Variants in PRELID2 observed in about 807,000 individuals in gnomAD.
PRELID2 encodes the protein PRELI domain-containing protein 2.
In PRELID2, 25 loss-of-function variants were observed where a neutral mutation model predicts 28.4. The observed-to-expected ratio is 0.88, with a 90% CI of 0.64 to 1.23. PRELID2 has a LOEUF of 1.23. Ranked by LOEUF, PRELID2 falls within the 50% of genes most tolerant of loss-of-function variation. The pLI is 0.00. For synonymous variants in PRELID2, 76 were observed against 71.6 expected, an observed-to-expected ratio of 1.06 and a Z score of -0.31; for missense variants, 201 against 214.4, an observed-to-expected ratio of 0.94 and a Z score of 0.39.
chr5:145,278,045 C>T, the PRELID2 span, among the ~76,000 whole-genome samples: 1 of 152,162 alleles, frequency 6.6e-6, no homozygotes, highest in African/African-American at 2.4e-5. Context: ...CGCTCCAGAA[C>T]CATATATTTA....
At chr5:145,833,422 C>T (rs74522568) in intron 1 of PRELID2, among the ~76,000 whole-genome samples, 1 of 152,140 alleles carries the variant, frequency 6.6e-6, no homozygotes, top group African/African-American at 2.4e-5. Context: ...AGTGCCAGTT[C>T]TAACAAAAAA....
intron 1 of PRELID2, among the ~76,000 whole-genome samples, chr5:145,647,946 T>A (rs1468488891): frequency 6.6e-6 from 1 of 152,182 alleles, no homozygotes; most frequent in Non-Finnish European, 1.5e-5. Context: ...TGTGCAGCAG[T>A]CTCACCGGGA....
chr5:145,569,823 C>T (rs1174578282), intron 1 of PRELID2, among the ~76,000 whole-genome samples: 1 of 152,196 alleles, frequency 6.6e-6, no homozygotes, highest in Non-Finnish European at 1.5e-5. Flanking sequence ...AATGTTTTTG[C>T]TAGTTGTCCA....
At chr5:145,365,297 T>C in the PRELID2 span, among the ~76,000 whole-genome samples, 2 of 151,952 alleles carry the variant, frequency 1.3e-5, no homozygotes, top group South Asian at 4.1e-4. Flanking sequence ...AAGATAAGTA[T>C]TTTAGGTAAT....
At chr5:145,453,569 C>T in the PRELID2 span, among the ~76,000 whole-genome samples, 39 of 152,196 alleles carry the variant, frequency 2.6e-4, no homozygotes, top group Middle Eastern at 0.014. Flanking sequence ...CCCATCAAAC[C>T]ATCATCTATC....
At chr5:145,556,269 T>C (rs997156335) in intron 1 of PRELID2, among the ~76,000 whole-genome samples, 4 of 152,140 alleles carry the variant, frequency 2.6e-5, no homozygotes, top group Non-Finnish European at 4.4e-5. Flanking sequence ...AAGAGCCTTA[T>C]GTGGAGCACC....
the PRELID2 span, among the ~76,000 whole-genome samples, chr5:145,424,204 GC>G: frequency 1.3e-5 from 2 of 152,038 alleles, no homozygotes; most frequent in Non-Finnish European, 2.9e-5. Context: ...TCTGTGCCCT[GC>G]CCCCAGAGGT....
rs1215180889 is a variant in PRELID2 at position 145,764,746 on chromosome 5, G to GA, written c.*10+184dup. Among the ~76,000 whole-genome samples the GA allele has an allele frequency of 2.0e-5, 3 of 152,130 alleles. No individual in the cohort carries two copies. In the East Asian group the frequency reaches 5.8e-4, roughly 29 times the overall value. On this transcript the variant is annotated intron_variant, in intron 6 of 6. Transcript: ENST00000683046. ...CCAGCATGTAATACAAAACTGCTCT[G>GA]AAAATCAAAGAACCAAGTAAATAAA...
intron 5 of PRELID2, among the ~76,000 whole-genome samples, chr5:145,767,992 C>T (rs755292508): frequency 4.8e-4 from 73 of 151,806 alleles, no homozygotes; most frequent in Non-Finnish European, 8.5e-4. Flanking sequence ...TTTGGGAGGC[C>T]GAGGCAGGTG....
the PRELID2 span, among the ~76,000 whole-genome samples, chr5:145,391,687 T>G: frequency 5.3e-5 from 8 of 151,954 alleles, no homozygotes; most frequent in East Asian, 1.9e-4. Context: ...ATGTTTTGTT[T>G]TTTTTTTTTT....
chr5:145,689,034 T>C (rs149434873), intron 1 of PRELID2, among the ~76,000 whole-genome samples: 1 of 152,304 alleles, frequency 6.6e-6, no homozygotes, highest in East Asian at 1.9e-4. Flanking sequence ...ATCATAAGCA[T>C]AGCAACTACA....
the PRELID2 span, among the ~76,000 whole-genome samples, chr5:145,340,207 A>G: frequency 1.3e-5 from 2 of 152,096 alleles, no homozygotes; most frequent in Non-Finnish European, 2.9e-5. Flanking sequence ...CACCATTGGC[A>G]CCTGATCCCT....
At chr5:145,459,043 C>T in the PRELID2 span, among the ~76,000 whole-genome samples, 2 of 152,126 alleles carry the variant, frequency 1.3e-5, no homozygotes, top group Non-Finnish European at 2.9e-5. Context: ...ATGCCATCAG[C>T]CACCTAGGGT....
intron 1 of PRELID2, among the ~76,000 whole-genome samples, chr5:145,661,165 T>C (rs772959238): frequency 5.8e-4 from 88 of 152,242 alleles, no homozygotes; most frequent in Non-Finnish European, 1.0e-3. Context: ...TTTCTGGAAA[T>C]AGAAAAAGGT....
the PRELID2 span, among the ~76,000 whole-genome samples, chr5:145,396,128 T>C: frequency 3.9e-5 from 6 of 152,320 alleles, no homozygotes; most frequent in South Asian, 1.0e-3. Flanking sequence ...GACCGCTTAA[T>C]ACTAGTTCAA....
chr5:145,291,335 CAGAAA>C, the PRELID2 span, among the ~76,000 whole-genome samples: 4 of 57,474 alleles, frequency 7.0e-5, no homozygotes, highest in African/African-American at 4.3e-4. Context: ...GACTCTGTTT[CAGAAA>C]AAAAAAAAAA....
intron 1 of PRELID2, among the ~76,000 whole-genome samples, chr5:145,699,427 G>A (rs1473498763): frequency 6.6e-6 from 1 of 151,910 alleles, no homozygotes; most frequent in African/African-American, 2.4e-5. Flanking sequence ...TTTACAAATG[G>A]GCAAACTAAG....
At chr5:145,345,837 C>T in the PRELID2 span, among the ~76,000 whole-genome samples, 28 of 152,190 alleles carry the variant, frequency 1.8e-4, no homozygotes, top group East Asian at 4.5e-3. Flanking sequence ...CGCCCCACCC[C>T]ACACATATAT....
At chr5:145,443,636 A>C in the PRELID2 span, among the ~76,000 whole-genome samples, 1 of 152,124 alleles carries the variant, frequency 6.6e-6, no homozygotes, top group Non-Finnish European at 1.5e-5. Context: ...TATAATGTAG[A>C]GCACAGTTCC....
Sources: allele counts gnomAD v4.1 joint callset (sites outside exome capture counted in the v4.1 genomes callset), GRCh38; gene constraint gnomAD v4.1.1; transcripts MANE v1.5; gene names NCBI Gene and HGNC (gene_info 2026-07-23, HGNC 2026-07-21).